TENM2: variants seen among roughly 807,000 people sequenced by gnomAD.
TENM2 encodes the protein teneurin transmembrane protein 2.
Under a neutral mutation model 245.2 loss-of-function variants are expected in TENM2, and 52 were observed. The observed-to-expected ratio is 0.21, with a 90% CI of 0.17 to 0.27. TENM2 has a LOEUF of 0.27. TENM2 is among the 10% of genes least tolerant of loss of function. The probability of loss-of-function intolerance (pLI) is 1.00; values close to 1 mark genes in which losing one functional copy is unlikely to be tolerated. For synonymous variants in TENM2, 1,363 were observed against 1,438.9 expected (o/e 0.95, Z 1.19); for missense variants, 3,046 against 3,666.8 (o/e 0.83, Z 4.37).
At chr5:167,354,980 G>A (rs763867303) in intron 1 of TENM2, among the ~76,000 whole-genome samples, 5 of 152,112 alleles carry the variant, frequency 3.3e-5, no homozygotes, top group African/African-American at 7.2e-5. Flanking sequence ...TCTCCCCTAC[G>A]CTACCCCTGC....
the TENM2 span, among the ~76,000 whole-genome samples, chr5:167,205,835 G>A: frequency 0.036 from 5,493 of 152,198 alleles, 334 homozygotes; most frequent in African/African-American, 0.13. Context: ...CATCCAAGTG[G>A]CTGGTGGAAT....
At chr5:167,389,249 A>AATATATAT (rs61126047) in intron 2 of TENM2, among the ~76,000 whole-genome samples, 5 of 146,924 alleles carry the variant, frequency 3.4e-5, no homozygotes, top group African/African-American at 9.9e-5. Flanking sequence ...GTGCATTTAA[A>AATATATAT]ATATATATAT....
intron 2 of TENM2, among the ~76,000 whole-genome samples, chr5:167,397,932 T>G (rs555539628): frequency 6.6e-6 from 1 of 152,154 alleles, no homozygotes; most frequent in Non-Finnish European, 1.5e-5. Flanking sequence ...CCTATGACCA[T>G]AGTCTTGTTT....
At position 167,783,257 on chromosome 5, in the gene TENM2, C is replaced by T. The variant is rs761868350; in HGVS notation, c.503-92729C>T. Among the ~76,000 whole-genome samples, 84 of 151,340 alleles carry T rather than the reference C, an allele frequency of 5.6e-4. 1 individual carries two copies. Among genetic ancestry groups the T allele is most frequent in the Non-Finnish European group, 9.0e-4 (61 of 67,892 alleles). On this transcript the variant is annotated intron_variant, in intron 2 of 28. Transcript: ENST00000518659. ...GAGGGTTGTGTTCAGCAGCACACAC[C>T]GGGTTCAGCCCACCTAGCAAGTCCA...
At chr5:167,154,035 T>C in the TENM2 span, among the ~76,000 whole-genome samples, 4 of 152,214 alleles carry the variant, frequency 2.6e-5, no homozygotes, top group Non-Finnish European at 5.9e-5. Flanking sequence ...GGGCAAGGTC[T>C]CTTTGTGCTT....
chr5:167,912,501 G>C (rs1233447805), intron 3 of TENM2, among the ~76,000 whole-genome samples: 1 of 152,204 alleles, frequency 6.6e-6, no homozygotes, highest in African/African-American at 2.4e-5. Flanking sequence ...GCACATAGTA[G>C]TCACTCAGTC....
intron 4 of TENM2, among the ~76,000 whole-genome samples, chr5:167,966,242 A>G (rs142732154): frequency 1.3e-5 from 2 of 152,182 alleles, no homozygotes; most frequent in Admixed American, 6.5e-5. Flanking sequence ...GTGCAGATTG[A>G]CAAGGGAGAA....
intron 5 of TENM2, among the ~76,000 whole-genome samples, chr5:168,005,368 A>G (rs551851013): frequency 4.1e-4 from 63 of 152,340 alleles, no homozygotes; most frequent in African/African-American, 1.5e-3. Flanking sequence ...CAGAGATCAC[A>G]CGAAAGCCAA....
chr5:167,433,826 G>A (rs1764384477), intron 2 of TENM2, among the ~76,000 whole-genome samples: 1 of 151,858 alleles, frequency 6.6e-6, no homozygotes, highest in Admixed American at 6.6e-5. Flanking sequence ...CTTTTTATGA[G>A]GAAAGCCTCC....
chr5:167,146,525 G>T, the TENM2 span, among the ~76,000 whole-genome samples: 3 of 152,072 alleles, frequency 2.0e-5, no homozygotes, highest in African/African-American at 4.8e-5. Context: ...CTGCGGAGTG[G>T]AAATGAAATG....
At chr5:168,064,226 G>A (rs180769680) in intron 7 of TENM2, among the ~76,000 whole-genome samples, 1 of 152,068 alleles carries the variant, frequency 6.6e-6, no homozygotes, top group Non-Finnish European at 1.5e-5. Flanking sequence ...TGACCTTCAG[G>A]CTCCACTGAT....
chr5:168,039,115 G>C (rs1308377912), intron 5 of TENM2, among the ~76,000 whole-genome samples: 3 of 152,104 alleles, frequency 2.0e-5, no homozygotes, highest in Non-Finnish European at 2.9e-5. Flanking sequence ...TATTTTTCAC[G>C]AGAGAGTTCT....
intron 2 of TENM2, among the ~76,000 whole-genome samples, chr5:167,660,672 T>C (rs1195512950): frequency 6.6e-6 from 1 of 152,002 alleles, no homozygotes; most frequent in Admixed American, 6.6e-5. Context: ...TGACAGTAAC[T>C]TATCATTTTT....
At chr5:168,243,024 G>T (rs1766245666) in intron 25 of TENM2, among the ~76,000 whole-genome samples, 1 of 152,026 alleles carries the variant, frequency 6.6e-6, no homozygotes, top group African/African-American at 2.4e-5. Context: ...ACCAGTAAGT[G>T]CTGTTGAATT....
At chr5:167,343,240 G>A (rs1469922561) in intron 1 of TENM2, among the ~76,000 whole-genome samples, 2 of 152,046 alleles carry the variant, frequency 1.3e-5, no homozygotes, top group Non-Finnish European at 2.9e-5. Flanking sequence ...TATATCACCT[G>A]TATTTCTTGT....
intron 2 of TENM2, among the ~76,000 whole-genome samples, chr5:167,486,122 C>A (rs78380084): frequency 1.3e-5 from 2 of 152,056 alleles, no homozygotes; most frequent in East Asian, 1.9e-4. Flanking sequence ...CACAGAGAGC[C>A]TGTTCCAACG....
At chr5:167,258,229 G>A in the TENM2 span, among the ~76,000 whole-genome samples, 5 of 145,326 alleles carry the variant, frequency 3.4e-5, no homozygotes, top group African/African-American at 1.0e-4. Flanking sequence ...ATATATATGT[G>A]TATATATATA....
In TENM2 at chr5:168,053,207, AG is replaced by A. The variant is rs1789257225; in HGVS notation, c.1309+5660del. Among the ~76,000 whole-genome samples the A allele has an allele frequency of 2.0e-5, 3 of 152,212 alleles. 1 individual carries two copies. Among genetic ancestry groups the A allele is most frequent in the Admixed American group, 1.3e-4 (2 of 15,282 alleles). On this transcript the variant is annotated intron_variant, in intron 6 of 28. Transcript: ENST00000518659. The stretch of plus-strand genomic sequence containing the variant: ...AACCCAACAACTCCCCTCATTTAGG[AG>A]GCCATGCTGTTCTACATTGTTGCAG...
chr5:168,260,180 C>A, intron 27 of TENM2, 103 bp from the exon 30 acceptor site: 1 of 1,293,942 alleles, frequency 7.7e-7, no homozygotes, highest in Non-Finnish European at 1.1e-6. Flanking sequence ...CCCTTTGGGC[C>A]CTACACCCAA....
Sources: allele counts gnomAD v4.1 joint callset (sites outside exome capture counted in the v4.1 genomes callset), GRCh38; gene constraint gnomAD v4.1.1; transcripts MANE v1.5; gene names NCBI Gene and HGNC (gene_info 2026-07-23, HGNC 2026-07-21).